The following ELP3 variants were observed in gnomAD, a reference collection of about 807,000 sequenced individuals.
ELP3 encodes the protein elongator complex protein 3.
A neutral mutation model predicts 74.9 loss-of-function variants in ELP3; 56 were observed. The observed-to-expected ratio is 0.75, with a 90% CI of 0.60 to 0.93. The LOEUF is 0.93. Ranked by LOEUF, ELP3 falls within the 40% of genes least tolerant of loss-of-function variation. The pLI, the probability that ELP3 is intolerant of heterozygous loss-of-function variation, is 0.00. For missense variants in ELP3, 573 were observed against 686.5 expected (o/e 0.83, Z 1.85); for synonymous variants, 222 against 239.8 (o/e 0.93, Z 0.68).
At chr8:28,189,169 G>A (rs757128352) in intron 14 of ELP3, among the ~76,000 whole-genome samples, 1 of 152,184 alleles carries the variant, frequency 6.6e-6, no homozygotes, top group Non-Finnish European at 1.5e-5. Context: ...GTGTACCTTC[G>A]CTACTGGGGC....
intron 7 of ELP3, among the ~76,000 whole-genome samples, chr8:28,114,286 G>A (rs1812035801): frequency 6.6e-6 from 1 of 152,134 alleles, no homozygotes; most frequent in South Asian, 2.1e-4. Flanking sequence ...TCTAGGGACA[G>A]AGAGGAAGCC....
At chr8:28,122,890 G>A (rs1308376050) in intron 7 of ELP3, among the ~76,000 whole-genome samples, 1 of 152,160 alleles carries the variant, frequency 6.6e-6, no homozygotes, top group Non-Finnish European at 1.5e-5. Flanking sequence ...TTTGGGAGGT[G>A]AGGTGGGCGG....
At chr8:28,161,859 C>G in intron 13 of ELP3, 138 bp from the exon 14 acceptor site, 1 of 682,754 alleles carries the variant, frequency 1.5e-6, no homozygotes, top group Non-Finnish European at 2.5e-6. Flanking sequence ...TTTCTTTTTC[C>G]TTACTCCCAT....
chr8:28,091,966 G>A (rs1393411301), upstream of ELP3, among the ~76,000 whole-genome samples: 116 of 152,320 alleles, frequency 7.6e-4, no homozygotes, highest in Non-Finnish European at 2.8e-4. Context: ...AGAGGAAGGA[G>A]TCAAATATGC....
At chr8:28,148,121 G>A (rs146748542) in intron 10 of ELP3, among the ~76,000 whole-genome samples, 20 of 152,176 alleles carry the variant, frequency 1.3e-4, no homozygotes, top group African/African-American at 4.3e-4. Flanking sequence ...TAACTATTTG[G>A]CAACCATTAG....
At chr8:28,095,910 C>T (rs932375332) in intron 1 of ELP3, among the ~76,000 whole-genome samples, 1 of 152,170 alleles carries the variant, frequency 6.6e-6, no homozygotes, top group African/African-American at 2.4e-5. Flanking sequence ...GGCCACGGAC[C>T]AGTACCGGTT....
intron 7 of ELP3, among the ~76,000 whole-genome samples, chr8:28,119,572 TTATATATATATATATATATATATATATA>T (rs72105276): frequency 0.017 from 796 of 46,772 alleles, 57 homozygotes; most frequent in South Asian, 0.035. Context: ...TTGTGGCGTT[TTATATATATATATATATATATATATATA>T]TATATATATA....
intron 3 of ELP3, among the ~76,000 whole-genome samples, chr8:28,100,905 C>T (rs1462405002): frequency 1.3e-5 from 2 of 152,154 alleles, no homozygotes; most frequent in African/African-American, 4.8e-5. Context: ...GCACCAAATT[C>T]TGTTCCTAAT....
At chr8:28,095,279 C>A (rs756153006) in intron 1 of ELP3, among the ~76,000 whole-genome samples, 3 of 152,242 alleles carry the variant, frequency 2.0e-5, no homozygotes, top group Non-Finnish European at 4.4e-5. Flanking sequence ...AAGAGCTATA[C>A]AAGTGGTTTC....
chr8:28,191,031 G>A lies in ELP3; in HGVS notation c.*1306G>A, dbSNP rs542681228. ...GTAATCTACTTTGGAGACTCTGCCT[G>A]GAGAGGGTCAGTTCCTAAGTTAAAA... On this transcript the variant is annotated 3_prime_UTR_variant, in exon 15 of 15. Coordinates refer to ENST00000256398, the MANE Select transcript of ELP3 (RefSeq NM_018091.6). 6.6e-6 allele frequency: 1 copy of A among 152,346 alleles called. No individual in the cohort carries two copies. Among genetic ancestry groups the A allele is most frequent in the East Asian group, 1.9e-4 (1 of 5,188 alleles). The allele number at this position is 152,346 out of a possible 1,614,324, so 9.4% of individuals were successfully genotyped here. A position where few individuals can be genotyped will look rare whatever the true frequency, so the allele number is the denominator to read the frequency against.
At chr8:28,166,186 G>A (rs931270141) in intron 14 of ELP3, among the ~76,000 whole-genome samples, 32 of 152,122 alleles carry the variant, frequency 2.1e-4, no homozygotes, top group African/African-American at 7.2e-4. Flanking sequence ...CCTGCCCTGC[G>A]TGAACGTTCG....
intron 7 of ELP3, 166 bp from the exon 8 acceptor site, chr8:28,129,336 A>G: frequency 1.6e-6 from 1 of 632,086 alleles, no homozygotes; most frequent in African/African-American, 1.8e-5. Flanking sequence ...CCATGTGCAT[A>G]GTTAGGAAGT....
rs774467092 is a variant in ELP3, at chr8:28,161,952, C to A, written c.1486-45C>A. On this transcript the variant is annotated intron_variant, in intron 13 of 14. Transcript: ENST00000256398. ...TGTTTTATGGACCCCTCTTAATGAACTTCCTTCCTTTTTAATTCCCACTCC... is the reference window on the plus strand; with the variant it reads ...TGTTTTATGGACCCCTCTTAATGAAATTCCTTCCTTTTTAATTCCCACTCC... The A allele has an allele frequency of 5.0e-6, 8 of 1,595,940 alleles. No individual in the cohort carries two copies. The East Asian group carries it at 6.7e-5, about 13-fold the overall frequency.
intron 3 of ELP3, among the ~76,000 whole-genome samples, chr8:28,103,310 A>T (rs1216554348): frequency 6.6e-6 from 1 of 152,210 alleles, no homozygotes; most frequent in Non-Finnish European, 1.5e-5. Flanking sequence ...TGTCATGTAC[A>T]GTAATTGGAA....
At chr8:28,135,901 C>T (rs955989936) in intron 9 of ELP3, among the ~76,000 whole-genome samples, 1 of 151,858 alleles carries the variant, frequency 6.6e-6, no homozygotes, top group Non-Finnish European at 1.5e-5. Context: ...ATTCTTGCCT[C>T]CTTTCTTGTT....
At chr8:28,173,334 C>T (rs1263287586) in intron 14 of ELP3, among the ~76,000 whole-genome samples, 1 of 151,806 alleles carries the variant, frequency 6.6e-6, no homozygotes, top group Non-Finnish European at 1.5e-5. Context: ...GTTTATGAGT[C>T]AGTTTTTATG....
At chr8:28,118,847 TA>T (rs1337040623) in intron 7 of ELP3, 1 of 152,268 alleles carries the variant, frequency 6.6e-6, no homozygotes, top group Non-Finnish European at 1.5e-5. Flanking sequence ...TGTGGAATTT[TA>T]AATTCATTTC....
chr8:28,098,867 A>G (rs1037961507), intron 2 of ELP3, among the ~76,000 whole-genome samples: 9 of 152,166 alleles, frequency 5.9e-5, no homozygotes, highest in Non-Finnish European at 7.3e-5. Context: ...GCTCATTTCC[A>G]TGAATATCTC....
intron 1 of ELP3, among the ~76,000 whole-genome samples, chr8:28,096,312 A>G (rs1811250847): frequency 6.6e-6 from 1 of 152,242 alleles, no homozygotes; most frequent in Admixed American, 6.5e-5. Flanking sequence ...TGCACAATAA[A>G]TGTAATGCAC....
Sources: allele counts gnomAD v4.1 joint callset (sites outside exome capture counted in the v4.1 genomes callset), GRCh38; gene constraint gnomAD v4.1.1; transcripts MANE v1.5; gene names NCBI Gene and HGNC (gene_info 2026-07-23, HGNC 2026-07-21).